Variants in SLC24A2 observed in about 807,000 individuals in gnomAD.
SLC24A2 encodes sodium/potassium/calcium exchanger 2.
A neutral mutation model predicts 62.0 loss-of-function variants in SLC24A2; 36 were observed. The observed-to-expected ratio is 0.58, with a 90% CI of 0.44 to 0.77. The LOEUF (loss-of-function observed/expected upper bound fraction) is 0.77, where lower values mean the gene tolerates loss of function less well. Ranked by LOEUF, SLC24A2 falls within the 30% of genes least tolerant of loss-of-function variation. The pLI is 0.00. For missense variants in SLC24A2, 846 were observed against 817.9 expected (o/e 1.03, Z -0.42); for synonymous variants, 358 against 294.0 (o/e 1.22, Z -2.23).
chr9:19,699,459 A>T (rs1178086116), intron 2 of SLC24A2, among the ~76,000 whole-genome samples: 1 of 152,220 alleles, frequency 6.6e-6, no homozygotes, highest in East Asian at 1.9e-4. Context: ...TATGTTCAAC[A>T]GTAAGTGAAT....
chr9:19,541,521 G>C (rs1238694211), intron 8 of SLC24A2, among the ~76,000 whole-genome samples: 2 of 119,116 alleles, frequency 1.7e-5, no homozygotes, highest in Non-Finnish European at 3.2e-5. Context: ...GCTGCTCGGG[G>C]GTCAGGGGTC....
the SLC24A2 span, among the ~76,000 whole-genome samples, chr9:20,045,783 G>A: frequency 6.6e-6 from 1 of 152,150 alleles, no homozygotes; most frequent in Non-Finnish European, 1.5e-5. Context: ...GTCCATGCAT[G>A]CTTATATCAT....
chr9:20,082,133 A>C, the SLC24A2 span, among the ~76,000 whole-genome samples: 1 of 152,202 alleles, frequency 6.6e-6, no homozygotes, highest in Non-Finnish European at 1.5e-5. Flanking sequence ...TCTCTGTTCC[A>C]GTTGACTCAG....
the SLC24A2 span, among the ~76,000 whole-genome samples, chr9:20,153,007 G>C: frequency 1.3e-5 from 2 of 151,798 alleles, no homozygotes; most frequent in African/African-American, 4.8e-5. Flanking sequence ...GGCAGAAAGA[G>C]GCTAGAGACC....
In SLC24A2 at chr9:19,636,330, T is replaced by TC. The variant is rs1554690408; in HGVS notation, c.931-14032dup. ...TTTTCTTTTCTTTTCTTTCTTTCTT[T>TC]CTTTCTTTCTTTCTTTCTTTCTTTC... On this transcript the variant is annotated intron_variant, in intron 2 of 10. Transcript: ENST00000341998. Among the ~76,000 whole-genome samples, 90 of 30,248 alleles carry TC rather than the reference T, an allele frequency of 3.0e-3. 9 individuals are homozygous for TC. Among genetic ancestry groups the TC allele is most frequent in the African/African-American group, 0.01 (74 of 7,114 alleles). 19.8% of individuals were successfully genotyped at this position (30,248 alleles called of 152,430 possible).
At chr9:19,681,861 A>G (rs73430038) in intron 2 of SLC24A2, among the ~76,000 whole-genome samples, 4,916 of 152,170 alleles carry the variant, frequency 0.032, 292 homozygotes, top group African/African-American at 0.11. Flanking sequence ...TTCTCTAGAG[A>G]CTCATTCAAT....
At chr9:19,919,884 C>A in the SLC24A2 span, among the ~76,000 whole-genome samples, 1 of 152,058 alleles carries the variant, frequency 6.6e-6, no homozygotes, top group Non-Finnish European at 1.5e-5. Context: ...GGGTCCCTGC[C>A]GTGACATGCT....
At chr9:20,185,764 C>T in the SLC24A2 span, among the ~76,000 whole-genome samples, 2 of 152,034 alleles carry the variant, frequency 1.3e-5, no homozygotes, top group African/African-American at 4.8e-5. Context: ...TAAAATAGCC[C>T]CCAAGGTGAC....
At chr9:20,055,396 C>T in the SLC24A2 span, among the ~76,000 whole-genome samples, 5 of 152,290 alleles carry the variant, frequency 3.3e-5, no homozygotes, top group African/African-American at 1.2e-4. Context: ...AACTACTTGA[C>T]AGGCACTGTC....
chr9:19,919,778 G>C, the SLC24A2 span, among the ~76,000 whole-genome samples: 21 of 152,108 alleles, frequency 1.4e-4, no homozygotes, highest in Admixed American at 3.9e-4. Context: ...CAGGGCAAAG[G>C]GGGGCGGAAA....
the SLC24A2 span, among the ~76,000 whole-genome samples, chr9:19,915,892 A>G: frequency 1.4e-4 from 21 of 151,736 alleles, 1 homozygote; most frequent in Admixed American, 3.9e-4. Flanking sequence ...CCCTTTTTTG[A>G]TAGTTTCCTT....
chr9:20,039,691 C>A, the SLC24A2 span, among the ~76,000 whole-genome samples: 11 of 151,846 alleles, frequency 7.2e-5, no homozygotes, highest in African/African-American at 2.2e-4. Context: ...AGGTACTGGG[C>A]ACAGGGGAAG....
rs1263627228 is a variant in SLC24A2 at position 19,513,935 on chromosome 9, A to T, written c.*2218T>A. On this transcript the variant is annotated 3_prime_UTR_variant, in exon 11 of 11. Transcript: ENST00000341998. ...GTCCTGACCTTGATGAATGAGATTCATTCCCATTAGGTGGCAGGTTCCACT... is the reference window on the plus strand; with the variant it reads ...GTCCTGACCTTGATGAATGAGATTCTTTCCCATTAGGTGGCAGGTTCCACT... 5 of 152,322 alleles carry T rather than the reference A, an allele frequency of 3.3e-5. No individual in the cohort carries two copies. In the East Asian group the frequency reaches 7.7e-4, roughly 24 times the overall value. 9.4% of individuals were successfully genotyped at this position (152,322 alleles called of 1,614,324 possible).
chr9:19,534,253 T>C (rs1477568759), intron 8 of SLC24A2, among the ~76,000 whole-genome samples: 1 of 152,250 alleles, frequency 6.6e-6, no homozygotes, highest in Non-Finnish European at 1.5e-5. Context: ...CTCTCACTAA[T>C]ACAGCTGTAA....
At chr9:20,283,448 G>A in the SLC24A2 span, among the ~76,000 whole-genome samples, 268 of 152,194 alleles carry the variant, frequency 1.8e-3, 1 homozygote, top group African/African-American at 6.0e-3. Context: ...TCCTCCAGTC[G>A]GGCCTCTGCA....
chr9:19,836,287 G>C, the SLC24A2 span, among the ~76,000 whole-genome samples: 1 of 152,112 alleles, frequency 6.6e-6, no homozygotes, highest in Non-Finnish European at 1.5e-5. Flanking sequence ...ATGAATCCAG[G>C]AGCTGGTTTT....
the SLC24A2 span, among the ~76,000 whole-genome samples, chr9:20,275,562 C>T: frequency 3.3e-5 from 5 of 152,216 alleles, no homozygotes; most frequent in Admixed American, 1.3e-4. Flanking sequence ...CCTCCCAGCT[C>T]TGATGAGGCC....
At chr9:20,289,668 C>T in the SLC24A2 span, among the ~76,000 whole-genome samples, 35 of 152,174 alleles carry the variant, frequency 2.3e-4, no homozygotes, top group African/African-American at 5.6e-4. Context: ...TCCAGCAGCA[C>T]GGGGCCTTTG....
At chr9:19,769,772 C>A (rs1403979976) in intron 2 of SLC24A2, among the ~76,000 whole-genome samples, 1 of 152,124 alleles carries the variant, frequency 6.6e-6, no homozygotes, top group East Asian at 1.9e-4. Context: ...GACACTGCAT[C>A]TGTCCACCCA....
Sources: gnomAD v4.1 joint callset for allele counts (sites outside exome capture counted in the v4.1 genomes callset) on GRCh38, gnomAD v4.1.1 for gene constraint, MANE v1.5 for transcripts, NCBI Gene and HGNC (gene_info 2026-07-23, HGNC 2026-07-21) for gene names.